C9: variants seen among roughly 807,000 people sequenced by gnomAD.
C9 encodes the protein complement C9.
In C9, 63 loss-of-function variants were observed where a neutral mutation model predicts 65.4. The ratio of observed to expected loss-of-function variants is 0.96; its 90% confidence interval spans 0.79 to 1.19. The LOEUF (loss-of-function observed/expected upper bound fraction) is 1.19. Ranked by LOEUF, C9 falls within the 50% of genes most tolerant of loss-of-function variation. The pLI is 0.00. For synonymous variants in C9, 229 were observed against 227.9 expected (o/e 1.00, Z -0.04); for missense variants, 744 against 670.1 (o/e 1.11, Z -1.22).
chr5:39,316,755 C>A (rs1330044683), intron 5 of C9, among the ~76,000 whole-genome samples: 1 of 152,094 alleles, frequency 6.6e-6, no homozygotes, highest in African/African-American at 2.4e-5. Flanking sequence ...CATTGATGGG[C>A]GTTTGGGTTG....
At chr5:39,310,819 G>A (rs536962358) in intron 7 of C9, among the ~76,000 whole-genome samples, 2 of 152,144 alleles carry the variant, frequency 1.3e-5, no homozygotes, top group Non-Finnish European at 2.9e-5. Context: ...TACAAATTAT[G>A]TCTGTACTTT....
intron 1 of C9, among the ~76,000 whole-genome samples, chr5:39,360,237 A>G (rs1754490647): frequency 6.6e-6 from 1 of 152,172 alleles, no homozygotes; most frequent in Non-Finnish European, 1.5e-5. Flanking sequence ...CTTAATTCTT[A>G]TATCATCCCT....
At chr5:39,325,500 C>T (rs775992772) in intron 5 of C9, among the ~76,000 whole-genome samples, 12 of 152,120 alleles carry the variant, frequency 7.9e-5, no homozygotes, top group East Asian at 5.8e-4. Flanking sequence ...GATCGCCAGG[C>T]GCGGTTGCTC....
intron 1 of C9, among the ~76,000 whole-genome samples, chr5:39,351,511 T>C (rs1056973162): frequency 6.6e-6 from 1 of 152,174 alleles, no homozygotes; most frequent in Admixed American, 6.5e-5. Context: ...CGAATGAGCA[T>C]AGGATTTTAG....
chr5:39,330,082 A>G (rs1753815163), intron 5 of C9, among the ~76,000 whole-genome samples: 1 of 152,168 alleles, frequency 6.6e-6, no homozygotes, highest in South Asian at 2.1e-4. Context: ...CACAATTCCT[A>G]TCTTCTTTCT....
At chr5:39,288,164 A>G (rs1421598155) in intron 10 of C9, among the ~76,000 whole-genome samples, 1 of 151,968 alleles carries the variant, frequency 6.6e-6, no homozygotes, top group Non-Finnish European at 1.5e-5. Flanking sequence ...ATACATATTT[A>G]GTACAAGCAC....
At chr5:39,332,299 T>A (rs1021259951) in intron 4 of C9, among the ~76,000 whole-genome samples, 1 of 152,174 alleles carries the variant, frequency 6.6e-6, no homozygotes, top group Non-Finnish European at 1.5e-5. Flanking sequence ...AACTTAAGCC[T>A]TTTCCTCCAG....
chr5:39,301,387 C>G (rs143308399), intron 9 of C9, among the ~76,000 whole-genome samples: 1 of 151,790 alleles, frequency 6.6e-6, no homozygotes, highest in East Asian at 1.9e-4. Flanking sequence ...TAGATTGGAT[C>G]CTGAAACAGG....
rs371745541 is a variant in C9, at chr5:39,352,670, G to A, written c.78-10474C>T. Among the ~76,000 whole-genome samples the A allele has an allele frequency of 8.4e-4, 128 of 151,860 alleles. 1 individual carries two copies. Among genetic ancestry groups the A allele is most frequent in the African/African-American group, 2.9e-3 (121 of 41,382 alleles). On this transcript the variant is annotated intron_variant, in intron 1 of 10. Coordinates refer to ENST00000263408, the MANE Select transcript of C9 (RefSeq NM_001737.5). ...TTCATCTCTTTCAGATGTTTTTCTT[G>A]TCTACACCAACATTATATATCTCCT...
chr5:39,356,210 A>G (rs1249582544), intron 1 of C9, among the ~76,000 whole-genome samples: 2 of 152,196 alleles, frequency 1.3e-5, no homozygotes, highest in African/African-American at 4.8e-5. Flanking sequence ...TAGATGGGAA[A>G]CTAAAAATGG....
chr5:39,345,942 G>A lies in C9; in HGVS notation c.78-3746C>T, dbSNP rs2216382. Among the ~76,000 whole-genome samples the A allele has an allele frequency of 9.1e-3, 1,390 of 152,128 alleles. 27 individuals are homozygous for A. The highest frequency in any genetic ancestry group is 0.032 in the African/African-American group (1,320 of 41,472). On this transcript the variant is annotated intron_variant, in intron 1 of 10. Transcript: ENST00000263408. Reference sequence around the variant, plus strand: ...ACTACTGGGTACATAACGAAATGAAGCCAGAAATAAAGATGTTCTTTGAAA... The same window carrying A: ...ACTACTGGGTACATAACGAAATGAAACCAGAAATAAAGATGTTCTTTGAAA...
At chr5:39,358,968 G>C (rs1055153773) in intron 1 of C9, among the ~76,000 whole-genome samples, 2 of 150,398 alleles carry the variant, frequency 1.3e-5, no homozygotes, top group Non-Finnish European at 3.0e-5. Context: ...CTGGGTGGCA[G>C]AGCGAGACTC....
At position 39,331,680 on chromosome 5, in the gene C9, T is replaced by G. The variant is rs1348472463; in HGVS notation, c.611A>C (p.Tyr204Ser). Residue 204 changes from tyrosine to serine, a missense_variant, in exon 5 of 11, where the codon TAT becomes TCT. Transcript: ENST00000263408. The part of the protein sequence containing the change: ...RRPWNVASLI[Y>S]ETKGEKNFRT... ...TTTTCCTCCGAGGAGACTTACTTCA[T>G]AGATCAAAGAAGCCACGTTCCAAGG... The G allele has an allele frequency of 6.2e-7, 1 of 1,614,018 alleles. No individual in the cohort carries two copies. Among genetic ancestry groups the G allele is most frequent in the Non-Finnish European group, 8.5e-7 (1 of 1,179,840 alleles).
At chr5:39,330,650 G>A (rs748680193) in intron 5 of C9, among the ~76,000 whole-genome samples, 5 of 152,180 alleles carry the variant, frequency 3.3e-5, no homozygotes, top group Non-Finnish European at 7.3e-5. Flanking sequence ...TGTGCTTAAA[G>A]AAGTTTAACC....
intron 1 of C9, among the ~76,000 whole-genome samples, chr5:39,357,801 G>A (rs1754438196): frequency 6.6e-6 from 1 of 152,186 alleles, no homozygotes; most frequent in South Asian, 2.1e-4. Context: ...AGTTGGCTGG[G>A]CCTTTGTGAC....
intron 9 of C9, among the ~76,000 whole-genome samples, chr5:39,296,004 C>T (rs1753179171): frequency 6.6e-6 from 1 of 151,600 alleles, no homozygotes; most frequent in South Asian, 2.1e-4. Context: ...AAATTAACCC[C>T]CCACTTTTTG....
At chr5:39,292,897 G>C (rs1232699819) in intron 9 of C9, among the ~76,000 whole-genome samples, 2 of 101,244 alleles carry the variant, frequency 2.0e-5, no homozygotes, top group Admixed American at 9.4e-5. Flanking sequence ...AGAGACATGA[G>C]TAATATATCA....
Position 39,313,449 on chromosome 5 carries a change from C to G in C9, c.871-2072G>C, listed in dbSNP as rs577621425. Among the ~76,000 whole-genome samples, 81 of 152,220 alleles carry G rather than the reference C, an allele frequency of 5.3e-4. 1 individual carries two copies. The highest frequency in any genetic ancestry group is 2.9e-5 in the Non-Finnish European group (2 of 68,022). On this transcript the variant is annotated intron_variant, in intron 6 of 10. Coordinates refer to ENST00000263408, the MANE Select transcript of C9 (RefSeq NM_001737.5). ...TGACACAGTTCATCACTCTCTTCTT[C>G]TTAATAGAGATTATTTTCTTGTCTT...
chr5:39,331,590 G>A (rs1212448636), intron 5 of C9, 86 bp downstream of exon 5: 5 of 1,117,312 alleles, frequency 4.5e-6, no homozygotes, highest in Non-Finnish European at 6.9e-6. Flanking sequence ...ATTCTACTGA[G>A]TTTTTCACAT....
Sources: gnomAD v4.1 joint callset for allele counts (sites outside exome capture counted in the v4.1 genomes callset) on GRCh38, gnomAD v4.1.1 for gene constraint, MANE v1.5 for transcripts, NCBI Gene and HGNC (gene_info 2026-07-23, HGNC 2026-07-21) for gene names.